The following NR3C2 variants were observed in gnomAD, a reference collection of about 807,000 sequenced individuals.
NR3C2 encodes nuclear receptor subfamily 3 group C member 2.
NR3C2 carries 15 observed loss-of-function variants against 86.4 expected under a neutral mutation model. The ratio of observed to expected loss-of-function variants is 0.17; its 90% CI spans 0.12 to 0.27. The LOEUF (loss-of-function observed/expected upper bound fraction) is 0.27, where lower values mean the gene tolerates loss of function less well. Ranked by LOEUF, NR3C2 falls within the 10% of genes least tolerant of loss-of-function variation. The pLI is 1.00. For synonymous variants in NR3C2, 458 were observed against 450.5 expected, an observed-to-expected ratio of 1.02 and a Z score of -0.21; for missense variants, 960 against 1,195.6, an observed-to-expected ratio of 0.80 and a Z score of 2.91.
At chr4:148,368,717 A>G (rs543598480) in intron 2 of NR3C2, among the ~76,000 whole-genome samples, 95 of 152,308 alleles carry the variant, frequency 6.2e-4, no homozygotes, top group Non-Finnish European at 1.2e-3. Flanking sequence ...GAAACCAGCA[A>G]TGGGGAGAAT....
chr4:148,089,217 AC>A (rs1165270872), intron 8 of NR3C2, among the ~76,000 whole-genome samples: 36 of 152,316 alleles, frequency 2.4e-4, no homozygotes, highest in Non-Finnish European at 1.9e-4. Context: ...TACCTGTGTC[AC>A]TGCCCTCAGT....
intron 3 of NR3C2, among the ~76,000 whole-genome samples, chr4:148,253,653 A>G (rs1739683402): frequency 6.6e-6 from 1 of 152,146 alleles, no homozygotes; most frequent in South Asian, 2.1e-4. Context: ...TCTTAGATAT[A>G]CCTGAATGTC....
intron 3 of NR3C2, among the ~76,000 whole-genome samples, chr4:148,241,002 C>G (rs559364042): frequency 1.3e-5 from 2 of 152,014 alleles, no homozygotes; most frequent in African/African-American, 4.8e-5. Context: ...CTTCCCAACG[C>G]CTTTAGAAAA....
Position 148,260,049 on chromosome 4 carries a change from T to C in NR3C2, c.1826A>G (p.Glu609Gly). Residue 609 changes from glutamate (E) to glycine (G), a missense_variant, in exon 3 of 9, where the codon GAG becomes GGG. By Grantham distance (98) the Glu-to-Gly change is moderately conservative. This residue lies in a region of NR3C2 where 47 missense variants were observed against 107.3 expected (regional missense o/e 0.44). Coordinates refer to ENST00000358102, the MANE Select transcript of NR3C2 (RefSeq NM_000901.5). ...TACCCCATAATGGCATCCTGAAGCC[T>C]CATCCCCACACACCAAACATATTTT... ...PSKICLVCGD[E>G]ASGCHYGVVT... is the part of the protein sequence containing the mutation. 6.2e-7 allele frequency: 1 copy of C among 1,614,104 alleles called. No individual in the cohort carries two copies. The highest frequency in any genetic ancestry group is 8.5e-7 in the Non-Finnish European group (1 of 1,179,998).
chr4:148,413,777 C>T (rs954372670), intron 2 of NR3C2, among the ~76,000 whole-genome samples: 9 of 152,172 alleles, frequency 5.9e-5, no homozygotes, highest in Non-Finnish European at 1.0e-4. Context: ...AAATGATACA[C>T]TACTTCCTAC....
At chr4:148,344,307 G>A (rs1261794124) in intron 2 of NR3C2, among the ~76,000 whole-genome samples, 4 of 152,062 alleles carry the variant, frequency 2.6e-5, no homozygotes, top group South Asian at 2.1e-4. Context: ...ATCTAACATA[G>A]TGAAATACTG....
At chr4:148,444,802 G>A, upstream of NR3C2, 1 of 985,016 alleles carries the variant, frequency 1.0e-6, no homozygotes. Context: ...GGCCTCTGGC[G>A]GGCCCCTCTC....
intron 8 of NR3C2, among the ~76,000 whole-genome samples, chr4:148,083,494 C>A (rs184254205): frequency 6.6e-6 from 1 of 152,160 alleles, no homozygotes; most frequent in Non-Finnish European, 1.5e-5. Flanking sequence ...GCATCAACAT[C>A]AACAAAAAGG....
chr4:148,443,789 G>A (rs1208556901), upstream of NR3C2, among the ~76,000 whole-genome samples: 1 of 152,102 alleles, frequency 6.6e-6, no homozygotes, highest in East Asian at 1.9e-4. Flanking sequence ...CCGAGGCGGG[G>A]GACCGGGGGA....
At chr4:148,167,015 A>G (rs1362408357) in intron 4 of NR3C2, among the ~76,000 whole-genome samples, 5 of 152,210 alleles carry the variant, frequency 3.3e-5, no homozygotes, top group Non-Finnish European at 5.9e-5. Context: ...CTTCTCTCAA[A>G]TTGTTTGCCA....
intron 2 of NR3C2, among the ~76,000 whole-genome samples, chr4:148,418,741 T>C (rs1369779060): frequency 3.9e-5 from 6 of 152,194 alleles, no homozygotes; most frequent in South Asian, 4.1e-4. Context: ...GTACTTTACA[T>C]AGATTAGCTC....
chr4:148,162,271 G>A (rs1218372291), intron 4 of NR3C2, among the ~76,000 whole-genome samples: 1 of 152,194 alleles, frequency 6.6e-6, no homozygotes, highest in African/African-American at 2.4e-5. Context: ...GTCAGATAGG[G>A]ACAAAGCTGG....
chr4:148,400,053 G>A (rs1435218436), intron 2 of NR3C2, among the ~76,000 whole-genome samples: 9 of 152,148 alleles, frequency 5.9e-5, no homozygotes, highest in Admixed American at 2.6e-4. Flanking sequence ...AATTTAAAAC[G>A]TTTTATGTCT....
chr4:148,101,612 C>T (rs1375584482), intron 8 of NR3C2, among the ~76,000 whole-genome samples: 1 of 152,150 alleles, frequency 6.6e-6, no homozygotes, highest in Non-Finnish European at 1.5e-5. Flanking sequence ...CACATCCTCA[C>T]ATATATACAC....
intron 2 of NR3C2, among the ~76,000 whole-genome samples, chr4:148,297,312 C>A (rs987729900): frequency 6.6e-6 from 1 of 152,170 alleles, no homozygotes; most frequent in African/African-American, 2.4e-5. Context: ...TATCAAATTT[C>A]TCCACTCAAA....
intron 2 of NR3C2, among the ~76,000 whole-genome samples, chr4:148,307,899 A>T (rs1485551583): frequency 6.6e-6 from 1 of 151,996 alleles, no homozygotes; most frequent in Non-Finnish European, 1.5e-5. Flanking sequence ...TCTAAAAGAA[A>T]AAAAGTTAAT....
At chr4:148,226,568 T>C (rs1248557370) in intron 3 of NR3C2, among the ~76,000 whole-genome samples, 1 of 152,138 alleles carries the variant, frequency 6.6e-6, no homozygotes, top group Non-Finnish European at 1.5e-5. Flanking sequence ...CCTGGATAAA[T>C]ACCTGGGAGT....
intron 2 of NR3C2, among the ~76,000 whole-genome samples, chr4:148,348,742 T>A (rs61761522): frequency 1.8e-4 from 28 of 152,032 alleles, no homozygotes; most frequent in Non-Finnish European, 5.9e-5. Context: ...CTTGTAAGGG[T>A]TTTAATATCC....
intron 4 of NR3C2, among the ~76,000 whole-genome samples, chr4:148,187,348 C>T (rs745756675): frequency 2.0e-5 from 3 of 151,830 alleles, no homozygotes; most frequent in Admixed American, 1.3e-4. Flanking sequence ...CCCTGTTTAC[C>T]GCATCTATGC....
Sources: gnomAD v4.1 joint callset for allele counts (sites outside exome capture counted in the v4.1 genomes callset) on GRCh38, gnomAD v4.1.1 for gene constraint, gnomAD v4.1.1 regional missense constraint, MANE v1.5 for transcripts, NCBI Gene and HGNC (gene_info 2026-07-23, HGNC 2026-07-21) for gene names.